EBF3: variants seen among roughly 807,000 people sequenced by gnomAD.
The protein encoded by EBF3 is transcription factor COE3.
A neutral mutation model predicts 77.1 loss-of-function variants in EBF3; 18 were observed. That is an observed-to-expected ratio of 0.23 (90% confidence interval 0.16 to 0.35). The LOEUF (loss-of-function observed/expected upper bound fraction) is 0.35. EBF3 is among the 10% of genes least tolerant of loss of function. The pLI is 1.00. For missense variants in EBF3, 558 were observed against 860.0 expected, an observed-to-expected ratio of 0.65 and a Z score of 4.39; for synonymous variants, 350 against 343.5, an observed-to-expected ratio of 1.02 and a Z score of -0.21.
chr10:129,850,566 C>T (rs1053532404), intron 10 of EBF3, among the ~76,000 whole-genome samples: 3 of 152,292 alleles, frequency 2.0e-5, no homozygotes, highest in Admixed American at 6.5e-5. Flanking sequence ...GGATGCGGGC[C>T]GAGGCAAGGG....
At chr10:129,901,511 G>A (rs774989081) in intron 6 of EBF3, among the ~76,000 whole-genome samples, 1 of 152,162 alleles carries the variant, frequency 6.6e-6, no homozygotes, top group Non-Finnish European at 1.5e-5. Context: ...CTGGAATTTT[G>A]TTTTAATTGT....
rs963949384 is a variant in EBF3 at position 129,863,918 on chromosome 10, G to A, written c.1039+3223C>T. Among the ~76,000 whole-genome samples, 1 of 152,130 alleles carries A rather than the reference G, an allele frequency of 6.6e-6. No homozygotes were observed. Among genetic ancestry groups the A allele is most frequent in the Non-Finnish European group, 1.5e-5 (1 of 68,030 alleles). On this transcript the variant is annotated intron_variant, in intron 10 of 16. Coordinates refer to ENST00000440978, the MANE Select transcript of EBF3 (RefSeq NM_001375380.1). This position sits in a 1 kb window ranked among gnomAD's most constrained non-coding sequence, Gnocchi z 4.0. ...GGTTAACCTCCAGCCAGGAAAGGCTGGGCTGTGGCAAGCATCACCAAACAC... is the reference window on the plus strand; with the variant it reads ...GGTTAACCTCCAGCCAGGAAAGGCTAGGCTGTGGCAAGCATCACCAAACAC...
intron 6 of EBF3, among the ~76,000 whole-genome samples, chr10:129,895,366 TG>T (rs2134214708): frequency 6.6e-6 from 1 of 152,338 alleles, no homozygotes; most frequent in East Asian, 1.9e-4. Flanking sequence ...AGGCTTCGTA[TG>T]CCTCCCGGCA....
intron 10 of EBF3, among the ~76,000 whole-genome samples, chr10:129,858,689 C>G (rs1201425151): frequency 6.6e-6 from 1 of 152,130 alleles, no homozygotes; most frequent in Non-Finnish European, 1.5e-5. Context: ...CTCGCAGAAT[C>G]CACCCTCCCT....
Position 129,897,624 on chromosome 10 carries a change from C to T in EBF3, c.555-19775G>A, listed in dbSNP as rs1191053294. ...GGTTCTCGAGGGCGCCCATTGTCTC[C>T]GAGCCTGCCCACTGTGCCTGCCTCA... On this transcript the variant is annotated intron_variant, in intron 6 of 16. Coordinates refer to ENST00000440978, the MANE Select transcript of EBF3 (RefSeq NM_001375380.1). The surrounding 1 kb of genome is among the most constrained non-coding windows in gnomAD (Gnocchi z 4.6). Among the ~76,000 whole-genome samples the T allele has an allele frequency of 6.6e-6, 1 of 152,074 alleles. No individual in the cohort carries two copies. The highest frequency in any genetic ancestry group is 1.5e-5 in the Non-Finnish European group (1 of 68,014).
At position 129,947,951 on chromosome 10, in the gene EBF3, T is replaced by C. The variant is rs1858352731; in HGVS notation, c.554+9307A>G. ...ACATGCAGGAAACTTAAATGCCTAC[T>C]GCTCAGTGAAAGAAGCCAGTCTGGG... On this transcript the variant is annotated intron_variant, in intron 6 of 16. Transcript: ENST00000440978. The surrounding 1 kb of genome is among the most constrained non-coding windows in gnomAD (Gnocchi z 4.5). Among the ~76,000 whole-genome samples, 1 of 152,114 alleles carries C rather than the reference T, an allele frequency of 6.6e-6. No individual in the cohort carries two copies. The highest frequency in any genetic ancestry group is 1.5e-5 in the Non-Finnish European group (1 of 68,024).
intron 7 of EBF3, among the ~76,000 whole-genome samples, chr10:129,875,764 C>T (rs2134119300): frequency 6.6e-6 from 1 of 152,330 alleles, no homozygotes; most frequent in Middle Eastern, 3.4e-3. Flanking sequence ...CCTTTGCAGC[C>T]CTGGTGGGAG....
At chr10:129,962,296 C>A in intron 3 of EBF3, 70 bp from the exon 4 acceptor site, 1 of 1,495,606 alleles carries the variant, frequency 6.7e-7, no homozygotes, top group South Asian at 1.1e-5. Context: ...ACACGGAGCA[C>A]AGGAAGTCTG....
At chr10:129,922,928 C>A (rs1252400987) in intron 6 of EBF3, among the ~76,000 whole-genome samples, 1 of 152,192 alleles carries the variant, frequency 6.6e-6, no homozygotes, top group Non-Finnish European at 1.5e-5. Flanking sequence ...TGTGACCAGT[C>A]GGAGCTGGTC....
At chr10:129,906,739 T>C (rs1855173635) in intron 6 of EBF3, among the ~76,000 whole-genome samples, 1 of 152,202 alleles carries the variant, frequency 6.6e-6, no homozygotes, top group African/African-American at 2.4e-5. Context: ...TGTATCCCTG[T>C]CATAGTCAAT....
chr10:129,926,163 C>CCATTCATT (rs540508874), intron 6 of EBF3, among the ~76,000 whole-genome samples: 1 of 152,168 alleles, frequency 6.6e-6, no homozygotes, highest in African/African-American at 2.4e-5. Context: ...TGTGTCGCAG[C>CCATTCATT]CATTCATTCA....
intron 6 of EBF3, among the ~76,000 whole-genome samples, chr10:129,887,427 T>G (rs1156348635): frequency 2.0e-5 from 3 of 152,220 alleles, no homozygotes; most frequent in Non-Finnish European, 4.4e-5. Flanking sequence ...GCGGCTATAA[T>G]GCAAGCAAGA....
At chr10:129,918,164 C>A (rs1164637073) in intron 6 of EBF3, among the ~76,000 whole-genome samples, 1 of 152,228 alleles carries the variant, frequency 6.6e-6, no homozygotes, top group Non-Finnish European at 1.5e-5. Flanking sequence ...ACCCAGCATT[C>A]CTGAGGCCGA....
At chr10:129,942,093 C>A (rs914690227) in intron 6 of EBF3, among the ~76,000 whole-genome samples, 1 of 152,206 alleles carries the variant, frequency 6.6e-6, no homozygotes, top group Non-Finnish European at 1.5e-5. Context: ...CCCGCCTCAC[C>A]CACTCAGGGC....
At chr10:129,941,996 C>A (rs1005923418) in intron 6 of EBF3, among the ~76,000 whole-genome samples, 1 of 151,960 alleles carries the variant, frequency 6.6e-6, no homozygotes, top group Non-Finnish European at 1.5e-5. Flanking sequence ...GGAATGGAGC[C>A]CCCCCACCCC....
At chr10:129,911,761 G>A (rs1341618099) in intron 6 of EBF3, among the ~76,000 whole-genome samples, 1 of 152,102 alleles carries the variant, frequency 6.6e-6, no homozygotes, top group Non-Finnish European at 1.5e-5. Flanking sequence ...TGGGGGAAAT[G>A]GTGACCCCTC....
At chr10:129,850,232 T>C (rs1850770149) in intron 10 of EBF3, among the ~76,000 whole-genome samples, 2 of 152,236 alleles carry the variant, frequency 1.3e-5, no homozygotes, top group East Asian at 3.8e-4. Flanking sequence ...TCAGAAAAGA[T>C]AGATGGGCGG....
At chr10:129,939,200 G>A (rs1363005900) in intron 6 of EBF3, among the ~76,000 whole-genome samples, 1 of 152,154 alleles carries the variant, frequency 6.6e-6, no homozygotes. Flanking sequence ...AACTGTGTTC[G>A]AGCACACTCT....
At chr10:129,948,352 C>A (rs1402132876) in intron 6 of EBF3, among the ~76,000 whole-genome samples, 2 of 148,346 alleles carry the variant, frequency 1.3e-5, no homozygotes, top group African/African-American at 5.0e-5. Flanking sequence ...TCTGAAAAAG[C>A]AAAACTAGAG....
Sources: allele counts gnomAD v4.1 joint callset (sites outside exome capture counted in the v4.1 genomes callset), GRCh38; gene constraint gnomAD v4.1.1; non-coding constraint Gnocchi (gnomAD v3.1); transcripts MANE v1.5; gene names NCBI Gene and HGNC (gene_info 2026-07-23, HGNC 2026-07-21).